ANKRD34C: variants seen among roughly 807,000 people sequenced by gnomAD.
ANKRD34C encodes the protein ankyrin repeat domain 34C, also known as ankyrin repeat domain-containing protein 34C.
For missense variants in ANKRD34C, 563 were observed against 653.0 expected, an observed-to-expected ratio of 0.86 and a Z score of 1.50; for synonymous variants, 260 against 253.6, an observed-to-expected ratio of 1.03 and a Z score of -0.24.
intron 1 of ANKRD34C, among the ~76,000 whole-genome samples, chr15:79,286,880 G>T (rs912587674): frequency 6.6e-6 from 1 of 152,092 alleles, no homozygotes; most frequent in Non-Finnish European, 1.5e-5. Context: ...TGCTTGCTCC[G>T]TCAGTGCACT....
intron 1 of ANKRD34C, chr15:79,283,535 T>C (rs1203373182): frequency 6.6e-6 from 1 of 152,256 alleles, no homozygotes; most frequent in Non-Finnish European, 1.5e-5. Context: ...TCGTCAGTTT[T>C]TGCAGAAACC....
intron 1 of ANKRD34C, among the ~76,000 whole-genome samples, 185 bp from the exon 2 acceptor site, chr15:79,293,056 C>A (rs985586414): frequency 2.0e-5 from 3 of 152,280 alleles, no homozygotes; most frequent in Non-Finnish European, 4.4e-5. Flanking sequence ...CTACTATCAC[C>A]CCCCCTGCGT....
chr15:79,286,290 T>G (rs1049898368), intron 1 of ANKRD34C, among the ~76,000 whole-genome samples: 6 of 152,036 alleles, frequency 3.9e-5, no homozygotes, highest in African/African-American at 1.5e-4. Flanking sequence ...CCAGGCAAAC[T>G]TTGCTCTCTT....
intron 1 of ANKRD34C, among the ~76,000 whole-genome samples, chr15:79,292,146 G>C (rs1188614832): frequency 6.6e-6 from 1 of 152,228 alleles, no homozygotes; most frequent in African/African-American, 2.4e-5. Flanking sequence ...GTGGCAGGTA[G>C]GCCACATGAG....
At chr15:79,287,243 G>A (rs1421028371) in intron 1 of ANKRD34C, among the ~76,000 whole-genome samples, 1 of 152,142 alleles carries the variant, frequency 6.6e-6, no homozygotes, top group African/African-American at 2.4e-5. Context: ...TATTGCCTGG[G>A]TGATTTGAGG....
rs2058668071 is a variant in ANKRD34C at position 79,294,615 on chromosome 15, G to A, written c.1331G>A (p.Arg444Gln). 3 of 1,551,670 alleles carry A rather than the reference G, an allele frequency of 1.9e-6. No individual in the cohort carries two copies. Among genetic ancestry groups the A allele is most frequent in the Non-Finnish European group, 2.6e-6 (3 of 1,147,000 alleles). ...CGCAGGCCGCCACATCTTCTAGAAC[G>A]ACGAGGTTCTGGAACTCTGCTCCTT... ...ARRRPPHLLE[R>Q]RGSGTLLLDR... Residue 444 changes from arginine to glutamine, a missense_variant, in exon 2 of 2, where the codon CGA becomes CAA. Transcript: ENST00000421388.
chr15:79,290,853 A>G (rs181686287), intron 1 of ANKRD34C, among the ~76,000 whole-genome samples: 3 of 152,286 alleles, frequency 2.0e-5, no homozygotes, highest in Admixed American at 1.3e-4. Flanking sequence ...GTCTAGTTCA[A>G]TTTATTTATA....
At chr15:79,288,145 A>C (rs2058650061) in intron 1 of ANKRD34C, among the ~76,000 whole-genome samples, 1 of 152,170 alleles carries the variant, frequency 6.6e-6, no homozygotes, top group African/African-American at 2.4e-5. Flanking sequence ...TGGTAGAAAA[A>C]CCTTCCTGAA....
In ANKRD34C at chr15:79,293,772, C is replaced by T. The variant is rs1384540022; in HGVS notation, c.488C>T (p.Thr163Ile). ...TTDKSSSGTK[T>I]TKQYLNVPPS... ...GATAAATCGTCTTCAGGCACCAAAACCACCAAACAGTATCTTAATGTCCCT... is the reference window on the plus strand; with the variant it reads ...GATAAATCGTCTTCAGGCACCAAAATCACCAAACAGTATCTTAATGTCCCT... Residue 163 changes from threonine to isoleucine, a missense_variant, in exon 2 of 2, where the codon ACC becomes ATC. Coordinates refer to ENST00000421388, the MANE Select transcript of ANKRD34C (RefSeq NM_001146341.2). 5 of 1,551,740 alleles carry T rather than the reference C, an allele frequency of 3.2e-6. No individual in the cohort carries two copies. Among genetic ancestry groups the T allele is most frequent in the Non-Finnish European group, 4.4e-6 (5 of 1,146,994 alleles).
chr15:79,294,454 T>A lies in ANKRD34C; in HGVS notation c.1170T>A (p.Pro390=). Reference sequence around the variant, plus strand: ...TAGATATACAGCCAGGGCCTGACCCTCCCAACTCCATTTCCCTTGAATCCG... The same window carrying A: ...TAGATATACAGCCAGGGCCTGACCCACCCAACTCCATTTCCCTTGAATCCG... ...YDLDIQPGPD[P]PNSISLESGK... Residue 390 remains proline (P), a synonymous_variant, in exon 2 of 2, where the codon CCT becomes CCA. Transcript: ENST00000421388. 1 of 1,551,604 alleles carries A rather than the reference T, an allele frequency of 6.4e-7. No homozygotes were observed.
At position 79,298,085 on chromosome 15, in the gene ANKRD34C, G is replaced by A. The variant is rs898034648; in HGVS notation, c.*3193G>A. ...ACCTTCTTTCTTTTTGTGTGTTGGT[G>A]CCTCAGATGTATCATGTGCTGCTTG... On this transcript the variant is annotated 3_prime_UTR_variant, in exon 2 of 2. Transcript: ENST00000421388. 6.0e-6 allele frequency: 1 copy of A among 166,788 alleles called. No homozygotes were observed. The highest frequency in any genetic ancestry group is 1.5e-5 in the Non-Finnish European group (1 of 68,078). 10.3% of individuals were successfully genotyped at this position (166,788 alleles called of 1,614,324 possible).
chr15:79,289,191 A>G (rs2058653418), intron 1 of ANKRD34C, among the ~76,000 whole-genome samples: 1 of 152,188 alleles, frequency 6.6e-6, no homozygotes, highest in African/African-American at 2.4e-5. Flanking sequence ...AGCCTGGCAC[A>G]TTTTATCTGG....
intron 1 of ANKRD34C, among the ~76,000 whole-genome samples, chr15:79,291,558 TCACACA>T (rs138141895): frequency 4.7e-4 from 24 of 51,032 alleles, no homozygotes; most frequent in African/African-American, 1.6e-3. Flanking sequence ...GAAAGACCAT[TCACACA>T]CACACACACA....
chr15:79,288,622 T>C (rs1351111486), intron 1 of ANKRD34C, among the ~76,000 whole-genome samples: 1 of 151,992 alleles, frequency 6.6e-6, no homozygotes, highest in African/African-American at 2.4e-5. Context: ...ACTAAGTCTG[T>C]GGGAAAGGTT....
chr15:79,294,272 A>G lies in ANKRD34C; in HGVS notation c.988A>G (p.Lys330Glu), dbSNP rs1307028057. 1 of 1,551,628 alleles carries G rather than the reference A, an allele frequency of 6.4e-7. No homozygotes were observed. Among genetic ancestry groups the G allele is most frequent in the East Asian group, 2.4e-5 (1 of 40,940 alleles). The part of the protein sequence containing the change: ...IPVSSAPASW[K>E]AAYEKGQAPH... Reference sequence around the variant, plus strand: ...AGTCTCTTCAGCACCGGCATCCTGGAAAGCAGCCTATGAGAAAGGTCAGGC... The same window carrying G: ...AGTCTCTTCAGCACCGGCATCCTGGGAAGCAGCCTATGAGAAAGGTCAGGC... The change falls in exon 2 of 2, where the codon AAA (lysine) becomes GAA (glutamate). Residue 330 changes from lysine to glutamate, a missense_variant. Coordinates refer to ENST00000421388, the MANE Select transcript of ANKRD34C (RefSeq NM_001146341.2).
At position 79,294,829 on chromosome 15, in the gene ANKRD34C, A is replaced by C. The variant is rs1474934519; in HGVS notation, c.1545A>C (p.Arg515Ser). The C allele has an allele frequency of 6.4e-7, 1 of 1,550,836 alleles. No individual in the cohort carries two copies. The highest frequency in any genetic ancestry group is 8.7e-7 in the Non-Finnish European group (1 of 1,146,798). Residue 515 changes from arginine to serine, a missense_variant, in exon 2 of 2, where the codon AGA becomes AGC. By Grantham distance (110) the Arg-to-Ser change is moderately radical. Transcript: ENST00000421388. ...VDLRSKKKLL[R>S]RHSMQIEQMK... ...TAAGAAGTAAAAAGAAGCTCCTCAG[A>C]AGGCATTCTATGCAAATTGAACAAA...
At chr15:79,291,352 G>A (rs891774066) in intron 1 of ANKRD34C, among the ~76,000 whole-genome samples, 3 of 152,082 alleles carry the variant, frequency 2.0e-5, no homozygotes, top group African/African-American at 7.2e-5. Context: ...GGAGAAGAAG[G>A]ACCCCTTCGA....
Position 79,297,366 on chromosome 15 carries a change from A to C in ANKRD34C, c.*2474A>C, listed in dbSNP as rs1443297778. 13 of 167,236 alleles carry C rather than the reference A, an allele frequency of 7.8e-5. No homozygotes were observed. The highest frequency in any genetic ancestry group is 2.9e-5 in the Non-Finnish European group (2 of 68,114). 10.4% of individuals were successfully genotyped at this position (167,236 alleles called of 1,614,324 possible). Reference sequence around the variant, plus strand: ...GGTAGTATTCAGTTGTGAGTATAGCAAGACACTGCATAGGAGCATTTTTTT... The same window carrying C: ...GGTAGTATTCAGTTGTGAGTATAGCCAGACACTGCATAGGAGCATTTTTTT... On this transcript the variant is annotated 3_prime_UTR_variant, in exon 2 of 2. Coordinates refer to ENST00000421388, the MANE Select transcript of ANKRD34C (RefSeq NM_001146341.2).
intron 1 of ANKRD34C, 33 bp from the exon 2 acceptor site, chr15:79,293,207 AT>A: frequency 7.4e-7 from 1 of 1,343,490 alleles, no homozygotes. Flanking sequence ...GTTATAAAAC[AT>A]ATAACATTTG....
Sources: allele counts gnomAD v4.1 joint callset (sites outside exome capture counted in the v4.1 genomes callset), GRCh38; gene constraint gnomAD v4.1.1; transcripts MANE v1.5; gene names NCBI Gene and HGNC (gene_info 2026-07-23, HGNC 2026-07-21).